The following HSD17B4 variants were observed in gnomAD, a reference collection of about 807,000 sequenced individuals.
HSD17B4 encodes the protein hydroxysteroid 17-beta dehydrogenase 4.
HSD17B4 carries 70 observed loss-of-function variants against 101.0 expected under a neutral mutation model. That is an observed-to-expected ratio of 0.69 (90% confidence interval 0.57 to 0.85). The LOEUF (loss-of-function observed/expected upper bound fraction) is 0.85, where lower values mean the gene tolerates loss of function less well. Ranked by LOEUF, HSD17B4 falls within the 40% of genes least tolerant of loss-of-function variation. HSD17B4 has a pLI of 0.00. For synonymous variants in HSD17B4, 347 were observed against 297.1 expected (o/e 1.17, Z -1.73); for missense variants, 984 against 892.4 (o/e 1.10, Z -1.31).
intron 10 of HSD17B4, chr5:119,492,874 T>A (rs1750241138): frequency 6.6e-6 from 1 of 152,174 alleles, no homozygotes; most frequent in South Asian, 2.1e-4. Context: ...TTATATTTAG[T>A]TGGCTATGGG....
chr5:119,507,029 C>A, intron 15 of HSD17B4, 140 bp downstream of exon 15: 1 of 546,350 alleles, frequency 1.8e-6, no homozygotes, highest in Non-Finnish European at 3.3e-6. Context: ...CATTTTTAAA[C>A]TCTTTAAGAA....
intron 22 of HSD17B4, among the ~76,000 whole-genome samples, chr5:119,535,088 T>C (rs1239561750): frequency 6.6e-6 from 1 of 152,124 alleles, no homozygotes; most frequent in Non-Finnish European, 1.5e-5. Flanking sequence ...TTACTATTTT[T>C]TTCCATCATA....
chr5:119,515,771 G>C (rs563529750), intron 17 of HSD17B4, among the ~76,000 whole-genome samples: 1 of 152,276 alleles, frequency 6.6e-6, no homozygotes, highest in South Asian at 2.1e-4. Context: ...CAGTGTGTGT[G>C]CATGTAATAA....
At chr5:119,454,997 CTAAATA>C (rs1011493942) in intron 1 of HSD17B4, among the ~76,000 whole-genome samples, 5 of 152,032 alleles carry the variant, frequency 3.3e-5, no homozygotes, top group African/African-American at 1.2e-4. Flanking sequence ...TTAATTTATA[CTAAATA>C]TAAATTGTTA....
rs191468413 is a variant in HSD17B4, at chr5:119,525,240, G to A, written c.1528G>A (p.Asp510Asn). The A allele has an allele frequency of 9.3e-6, 15 of 1,612,484 alleles. No individual in the cohort carries two copies. The Admixed American group carries it at 2.0e-4, about 22-fold the overall frequency. ...NQAALYRLSG[D>N]WNPLHIDPNF... is the part of the protein sequence containing the mutation. Reference sequence around the variant, plus strand: ...GGCTGCTTTGTACCGCCTCAGTGGAGACTGGAATCCCTTACACATTGATCC... The same window carrying A: ...GGCTGCTTTGTACCGCCTCAGTGGAAACTGGAATCCCTTACACATTGATCC... The change falls in exon 18 of 24, where the codon GAC becomes AAC. Residue 510 changes from aspartate to asparagine, a missense_variant. Physicochemically the swap from Asp to Asn is conservative, Grantham distance 23. Coordinates refer to ENST00000510025, the MANE Select transcript of HSD17B4 (RefSeq NM_000414.4).
intron 2 of HSD17B4, among the ~76,000 whole-genome samples, chr5:119,466,782 T>G (rs1442750302): frequency 1.3e-5 from 2 of 152,136 alleles, no homozygotes; most frequent in Non-Finnish European, 2.9e-5. Context: ...CTCAATTTTG[T>G]TTATTTCTTC....
At chr5:119,530,861 AAACAAAAAAC>A (rs1754025888) in intron 21 of HSD17B4, among the ~76,000 whole-genome samples, 9 of 130,882 alleles carry the variant, frequency 6.9e-5, no homozygotes, top group African/African-American at 2.4e-4. Context: ...AAAAAAAAAA[AAACAAAAAAC>A]AAAAAAAACC....
intron 2 of HSD17B4, among the ~76,000 whole-genome samples, chr5:119,473,631 T>G (rs1748255244): frequency 6.6e-6 from 1 of 152,188 alleles, no homozygotes; most frequent in South Asian, 2.1e-4. Flanking sequence ...TCTTCTTTAC[T>G]TTTTGAAAGA....
At chr5:119,533,214 T>C (rs1754261850) in intron 22 of HSD17B4, among the ~76,000 whole-genome samples, 1 of 151,874 alleles carries the variant, frequency 6.6e-6, no homozygotes, top group African/African-American at 2.4e-5. Context: ...GATTGGTTCA[T>C]TCAATGAACA....
chr5:119,524,193 A>G (rs1396026959), intron 17 of HSD17B4, among the ~76,000 whole-genome samples: 1 of 152,122 alleles, frequency 6.6e-6, no homozygotes, highest in African/African-American at 2.4e-5. Context: ...TTGGGAAAGT[A>G]AATAATCTAT....
At chr5:119,473,315 T>G (rs1357630209) in intron 2 of HSD17B4, among the ~76,000 whole-genome samples, 1 of 110,970 alleles carries the variant, frequency 9.0e-6, no homozygotes, top group Non-Finnish European at 1.8e-5. Flanking sequence ...TCCCTGCTCC[T>G]TTTTTTTTTT....
rs13152959 is a variant in HSD17B4, at chr5:119,475,619, G to A, written c.281-87G>A. The A allele has an allele frequency of 0.12, 124,919 of 1,053,952 alleles. 8,969 individuals carry two copies. The highest frequency in any genetic ancestry group is 0.15 in the Non-Finnish European group (99,006 of 680,662). 65.3% of individuals were successfully genotyped at this position (1,053,952 alleles called of 1,614,324 possible). ...ATTTACTTTTTCATGGTTAAAAAACGCCAGTTTTGAGAGAAATGTGAGTTG... is the reference window on the plus strand; with the variant it reads ...ATTTACTTTTTCATGGTTAAAAAACACCAGTTTTGAGAGAAATGTGAGTTG... On this transcript the variant is annotated intron_variant, in intron 4 of 23. Transcript: ENST00000510025.
At chr5:119,454,321 T>TC in intron 1 of HSD17B4, among the ~76,000 whole-genome samples, 1 of 152,070 alleles carries the variant, frequency 6.6e-6, no homozygotes, top group Admixed American at 6.5e-5. Flanking sequence ...TTTTTTTTTT[T>TC]CAGAGCTAAA....
chr5:119,517,567 C>T (rs982694449), intron 17 of HSD17B4, among the ~76,000 whole-genome samples: 10 of 152,366 alleles, frequency 6.6e-5, no homozygotes, highest in African/African-American at 2.4e-4. Context: ...CAGCTGGGCT[C>T]CTGAGTCTGG....
intron 2 of HSD17B4, chr5:119,471,745 CTA>C: frequency 2.0e-6 from 2 of 976,184 alleles, no homozygotes; most frequent in Non-Finnish European, 3.0e-6. Flanking sequence ...TGGCATTTAT[CTA>C]TGTATCTTTT....
At chr5:119,465,565 A>C (rs561858353) in intron 2 of HSD17B4, among the ~76,000 whole-genome samples, 1 of 152,200 alleles carries the variant, frequency 6.6e-6, no homozygotes, top group African/African-American at 2.4e-5. Flanking sequence ...TTCCAATTAA[A>C]CCTCTTTTCT....
intron 23 of HSD17B4, among the ~76,000 whole-genome samples, chr5:119,539,453 G>A (rs1306664725): frequency 6.9e-6 from 1 of 144,040 alleles, no homozygotes; most frequent in African/African-American, 2.5e-5. Context: ...GAGGGGGGGA[G>A]GGATAGCATT....
At chr5:119,512,396 A>G (rs1304032013) in intron 16 of HSD17B4, among the ~76,000 whole-genome samples, 2 of 152,152 alleles carry the variant, frequency 1.3e-5, no homozygotes, top group African/African-American at 2.4e-5. Context: ...TCTTCATTGT[A>G]GTAAAAGTGT....
intron 17 of HSD17B4, among the ~76,000 whole-genome samples, chr5:119,515,896 A>G (rs1580669998): frequency 6.6e-6 from 1 of 152,204 alleles, no homozygotes; most frequent in African/African-American, 2.4e-5. Context: ...AGGATCAGGA[A>G]AAATAACTAA....
Sources: allele counts gnomAD v4.1 joint callset (sites outside exome capture counted in the v4.1 genomes callset), GRCh38; gene constraint gnomAD v4.1.1; transcripts MANE v1.5; gene names NCBI Gene and HGNC (gene_info 2026-07-23, HGNC 2026-07-21).